The following SLC4A4 variants were observed in gnomAD, a reference collection of about 807,000 sequenced individuals.
The protein encoded by SLC4A4 is solute carrier family 4 member 4, also known as electrogenic sodium bicarbonate cotransporter 1.
Under a neutral mutation model 111.5 loss-of-function variants are expected in SLC4A4, and 27 were observed. The observed-to-expected ratio is 0.24, with a 90% confidence interval of 0.18 to 0.33. The LOEUF (loss-of-function observed/expected upper bound fraction) is 0.33, where lower values mean the gene tolerates loss of function less well. Ranked by LOEUF, SLC4A4 falls within the 10% of genes least tolerant of loss-of-function variation. The pLI, the probability that SLC4A4 is intolerant of heterozygous loss-of-function variation, is 1.00. For missense variants in SLC4A4, 909 were observed against 1,315.5 expected (o/e 0.69, Z 4.78); for synonymous variants, 443 against 463.4 (o/e 0.96, Z 0.57).
chr4:71,483,260 T>C (rs751918346), intron 14 of SLC4A4, among the ~76,000 whole-genome samples: 10 of 151,546 alleles, frequency 6.6e-5, no homozygotes, highest in Non-Finnish European at 1.3e-4. Flanking sequence ...TTAAAGATTA[T>C]TTCATCACCC....
intron 3 of SLC4A4, among the ~76,000 whole-genome samples, chr4:71,272,455 A>T (rs55760668): frequency 0.12 from 18,359 of 152,130 alleles, 1,196 homozygotes; most frequent in South Asian, 0.19. Flanking sequence ...TCAGACACAG[A>T]TCTTCCTGGC....
At chr4:71,138,482 CCTT>C (rs565063361) in intron 2 of SLC4A4, among the ~76,000 whole-genome samples, 3 of 152,288 alleles carry the variant, frequency 2.0e-5, no homozygotes, top group South Asian at 4.2e-4. Flanking sequence ...GCCTTTCTGT[CCTT>C]CTTTTAGGGA....
At chr4:71,129,471 G>T (rs1421523445) in intron 2 of SLC4A4, among the ~76,000 whole-genome samples, 1 of 152,136 alleles carries the variant, frequency 6.6e-6, no homozygotes, top group Non-Finnish European at 1.5e-5. Context: ...AAAATAACAT[G>T]CTGGCAAGGT....
chr4:71,267,069 C>T (rs1722323290), intron 3 of SLC4A4, among the ~76,000 whole-genome samples: 1 of 152,192 alleles, frequency 6.6e-6, no homozygotes, highest in South Asian at 2.1e-4. Context: ...TGAAGGTCTA[C>T]ACCATGTACC....
At chr4:71,332,878 T>A (rs979441492) in intron 3 of SLC4A4, among the ~76,000 whole-genome samples, 4 of 152,258 alleles carry the variant, frequency 2.6e-5, no homozygotes, top group Admixed American at 6.5e-5. Flanking sequence ...ATTATTTCAA[T>A]CTCTTTGTTA....
intron 2 of SLC4A4, among the ~76,000 whole-genome samples, chr4:71,101,093 A>C (rs1049874134): frequency 4.6e-5 from 7 of 151,988 alleles, no homozygotes; most frequent in African/African-American, 1.7e-4. Context: ...CCCCATCTCT[A>C]CTAAAAGTAC....
At chr4:71,356,732 G>A in intron 5 of SLC4A4, among the ~76,000 whole-genome samples, 1 of 151,926 alleles carries the variant, frequency 6.6e-6, no homozygotes, top group East Asian at 1.9e-4. Flanking sequence ...ATAAATTACT[G>A]ACTTATTGTG....
intron 2 of SLC4A4, among the ~76,000 whole-genome samples, chr4:71,107,591 A>C (rs7669893): frequency 1 from 152,239 of 152,246 alleles, 76,116 homozygotes; most frequent in Non-Finnish European, 1. Context: ...CTCAAATGAT[A>C]CGCTGCCTCG....
chr4:71,306,920 G>A (rs1366472721), intron 3 of SLC4A4, among the ~76,000 whole-genome samples: 2 of 152,148 alleles, frequency 1.3e-5, no homozygotes, highest in African/African-American at 4.8e-5. Flanking sequence ...GAGCTCACAT[G>A]TATTTTGCTA....
chr4:71,148,929 ATGGTAT>A (rs1235147729), intron 2 of SLC4A4, among the ~76,000 whole-genome samples: 1 of 152,124 alleles, frequency 6.6e-6, no homozygotes, highest in Non-Finnish European at 1.5e-5. Flanking sequence ...GCTGGGTTGA[ATGGTAT>A]TTCTGTCTTT....
rs542872192 is a variant in SLC4A4, at chr4:71,443,484, G to A, written c.965+2711G>A. On this transcript the variant is annotated intron_variant, in intron 8 of 25. Coordinates refer to ENST00000264485, the MANE Select transcript of SLC4A4 (RefSeq NM_001098484.3). ...TTTTTGAGCTATATAGGGGATGAATGTTCTTCTTATACCATTTTGCAGTTG... is the reference window on the plus strand; with the variant it reads ...TTTTTGAGCTATATAGGGGATGAATATTCTTCTTATACCATTTTGCAGTTG... 5.2e-4 allele frequency among the ~76,000 whole-genome samples: 79 copies of A among 152,158 alleles called. 1 individual carries two copies. Among genetic ancestry groups the A allele is most frequent in the African/African-American group, 1.8e-3 (74 of 41,520 alleles).
intron 2 of SLC4A4, among the ~76,000 whole-genome samples, chr4:71,246,572 T>C (rs1163475560): frequency 6.6e-6 from 1 of 152,210 alleles, no homozygotes; most frequent in Non-Finnish European, 1.5e-5. Context: ...GGAAGACAGA[T>C]GTCCCAGCTA....
At chr4:71,064,212 T>A (rs1285044385) in intron 1 of SLC4A4, among the ~76,000 whole-genome samples, 4 of 152,258 alleles carry the variant, frequency 2.6e-5, no homozygotes, top group Non-Finnish European at 4.4e-5. Flanking sequence ...TATCCTGGCC[T>A]TGAGCAAGTA....
intron 2 of SLC4A4, among the ~76,000 whole-genome samples, chr4:71,116,165 A>T (rs1743239991): frequency 6.6e-6 from 1 of 152,214 alleles, no homozygotes; most frequent in Admixed American, 6.5e-5. Flanking sequence ...AAGTGCTGGG[A>T]TTATAGGTGT....
chr4:71,507,595 A>C (rs1392524694), intron 16 of SLC4A4, among the ~76,000 whole-genome samples: 1 of 152,238 alleles, frequency 6.6e-6, no homozygotes, highest in Non-Finnish European at 1.5e-5. Flanking sequence ...TTAAAAAGCA[A>C]GTTATTAGAG....
intron 16 of SLC4A4, among the ~76,000 whole-genome samples, chr4:71,529,998 C>G (rs1733772187): frequency 6.6e-6 from 1 of 152,124 alleles, no homozygotes. Flanking sequence ...CCTGAACTGC[C>G]AGTGTCAACA....
intron 17 of SLC4A4, among the ~76,000 whole-genome samples, chr4:71,533,037 A>G (rs531654907): frequency 1.3e-5 from 2 of 151,986 alleles, no homozygotes; most frequent in Admixed American, 6.6e-5. Context: ...TCTTTTATCT[A>G]TTTTCTAGAA....
At chr4:71,152,766 C>T (rs941857908) in intron 2 of SLC4A4, among the ~76,000 whole-genome samples, 5 of 151,882 alleles carry the variant, frequency 3.3e-5, no homozygotes, top group African/African-American at 4.8e-5. Flanking sequence ...GTCTGCCTTT[C>T]CCAGCCCACT....
At chr4:71,277,043 C>CAAACAAA (rs375699001) in intron 3 of SLC4A4, among the ~76,000 whole-genome samples, 3 of 151,996 alleles carry the variant, frequency 2.0e-5, no homozygotes, top group African/African-American at 7.2e-5. Context: ...GACCCTGTCT[C>CAAACAAA]AAACAAAAAA....
Sources: gnomAD v4.1 joint callset for allele counts (sites outside exome capture counted in the v4.1 genomes callset) on GRCh38, gnomAD v4.1.1 for gene constraint, MANE v1.5 for transcripts, NCBI Gene and HGNC (gene_info 2026-07-23, HGNC 2026-07-21) for gene names.